Variants in GABRB1 observed in about 807,000 individuals in gnomAD.
The protein encoded by GABRB1 is gamma-aminobutyric acid receptor subunit beta-1.
GABRB1 carries 17 observed loss-of-function variants against 51.6 expected under a neutral mutation model. That is an observed-to-expected ratio of 0.33 (90% CI 0.23 to 0.49). The LOEUF is 0.49. Ranked by LOEUF, GABRB1 falls within the 20% of genes least tolerant of loss-of-function variation. GABRB1 has a pLI of 0.99. For synonymous variants in GABRB1, 247 were observed against 218.9 expected, an observed-to-expected ratio of 1.13 and a Z score of -1.14; for missense variants, 410 against 600.6, an observed-to-expected ratio of 0.68 and a Z score of 3.32.
chr4:47,157,836 G>C (rs909984094), intron 3 of GABRB1, among the ~76,000 whole-genome samples: 3 of 152,000 alleles, frequency 2.0e-5, no homozygotes, highest in African/African-American at 7.2e-5. Flanking sequence ...TCAGGTCCTA[G>C]ATTAGGCTAC....
chr4:47,196,846 C>T (rs1021624389), intron 4 of GABRB1, among the ~76,000 whole-genome samples: 2 of 152,170 alleles, frequency 1.3e-5, no homozygotes, highest in African/African-American at 4.8e-5. Flanking sequence ...CTCATGAACA[C>T]ATTTTACATT....
chr4:47,234,153 T>C (rs1270860915), intron 4 of GABRB1, among the ~76,000 whole-genome samples: 1 of 152,138 alleles, frequency 6.6e-6, no homozygotes, highest in Non-Finnish European at 1.5e-5. Context: ...AAGCATAAGG[T>C]AATGTTTCCT....
At chr4:47,191,934 G>A (rs1719455285) in intron 4 of GABRB1, among the ~76,000 whole-genome samples, 2 of 152,014 alleles carry the variant, frequency 1.3e-5, no homozygotes, top group African/African-American at 4.8e-5. Context: ...CAGACACATA[G>A]AATACTGATT....
At chr4:47,316,979 AT>A (rs1218475435) in intron 4 of GABRB1, among the ~76,000 whole-genome samples, 1 of 151,962 alleles carries the variant, frequency 6.6e-6, no homozygotes, top group Non-Finnish European at 1.5e-5. Context: ...TTACAAGGTG[AT>A]TTTATATTAA....
At chr4:47,076,349 T>C (rs1022373252) in intron 3 of GABRB1, among the ~76,000 whole-genome samples, 1 of 152,164 alleles carries the variant, frequency 6.6e-6, no homozygotes, top group Non-Finnish European at 1.5e-5. Context: ...CAGATGTCCT[T>C]TGGATATACA....
chr4:47,001,983 TTAGGA>T (rs1724245130), intron 1 of GABRB1, among the ~76,000 whole-genome samples: 1 of 152,244 alleles, frequency 6.6e-6, no homozygotes, highest in Non-Finnish European at 1.5e-5. Context: ...TTTATTAGTC[TTAGGA>T]TAGGCAGTTT....
rs115543699 is a variant in GABRB1 at position 47,368,102 on chromosome 4, T to G, written c.545-35216T>G. Among the ~76,000 whole-genome samples the G allele has an allele frequency of 9.1e-3, 1,387 of 152,288 alleles. 19 individuals are homozygous for G. Among genetic ancestry groups the G allele is most frequent in the African/African-American group, 0.032 (1,332 of 41,550 alleles). Reference sequence around the variant, plus strand: ...GGAACTCCAAGCCCAATATTATATCTCTACTACCATCCAGAGACATGAAGC... The same window carrying G: ...GGAACTCCAAGCCCAATATTATATCGCTACTACCATCCAGAGACATGAAGC... On this transcript the variant is annotated intron_variant, in intron 5 of 8. Coordinates refer to ENST00000295454, the MANE Select transcript of GABRB1 (RefSeq NM_000812.4).
At chr4:47,393,034 A>C (rs1021640889) in intron 5 of GABRB1, among the ~76,000 whole-genome samples, 1 of 152,202 alleles carries the variant, frequency 6.6e-6, no homozygotes, top group Non-Finnish European at 1.5e-5. Flanking sequence ...GAGTCAAGTC[A>C]TGTCAGAGGT....
rs146479194 is a variant in GABRB1, at chr4:47,410,604, C to T, written c.1080+3678C>T. Among the ~76,000 whole-genome samples, 16 of 152,266 alleles carry T rather than the reference C, an allele frequency of 1.1e-4. No individual in the cohort carries two copies. In the East Asian group the frequency reaches 1.9e-3, roughly 18 times the overall value. On this transcript the variant is annotated intron_variant, in intron 8 of 8. Transcript: ENST00000295454. ...TTAGAAGTGAGCCACAACAGAAACT[C>T]GACACCTGAGTGTAAACTTCCCCAG...
At chr4:47,056,648 G>A (rs1200910685) in intron 3 of GABRB1, among the ~76,000 whole-genome samples, 2 of 152,222 alleles carry the variant, frequency 1.3e-5, no homozygotes, top group African/African-American at 2.4e-5. Context: ...TGCTGGGAAC[G>A]TTGCTGGTCA....
At chr4:47,109,824 A>G (rs1188969110) in intron 3 of GABRB1, among the ~76,000 whole-genome samples, 3 of 152,100 alleles carry the variant, frequency 2.0e-5, no homozygotes, top group African/African-American at 7.2e-5. Context: ...TGAGAAGTCT[A>G]TTTCTTTCAA....
chr4:46,997,458 ATAACTATAACTTCG>A (rs1724034623), intron 1 of GABRB1, among the ~76,000 whole-genome samples: 1 of 150,782 alleles, frequency 6.6e-6, no homozygotes, highest in African/African-American at 2.4e-5. Context: ...TTTCTTATAC[ATAACTATAACTTCG>A]TACGCTTCAA....
chr4:47,182,025 A>G (rs1455568982), intron 4 of GABRB1, among the ~76,000 whole-genome samples: 5 of 152,164 alleles, frequency 3.3e-5, no homozygotes, highest in Admixed American at 6.6e-5. Context: ...CCCCAGCCAG[A>G]GCAGCAACTT....
chr4:47,046,870 C>T (rs1257706475), intron 3 of GABRB1, among the ~76,000 whole-genome samples: 2 of 152,034 alleles, frequency 1.3e-5, no homozygotes, highest in Non-Finnish European at 2.9e-5. Context: ...AGGCCATTAT[C>T]CTTAACAAAC....
chr4:47,257,963 G>A (rs995102099), intron 4 of GABRB1, among the ~76,000 whole-genome samples: 2 of 151,972 alleles, frequency 1.3e-5, no homozygotes, highest in Admixed American at 6.6e-5. Context: ...ACCAAATGGA[G>A]CAAAGTTTCT....
At chr4:47,245,261 A>G (rs1721697308) in intron 4 of GABRB1, among the ~76,000 whole-genome samples, 1 of 152,196 alleles carries the variant, frequency 6.6e-6, no homozygotes. Context: ...GCTAAAATGT[A>G]AAACACACTA....
chr4:47,018,753 G>A (rs1724823347), intron 1 of GABRB1, among the ~76,000 whole-genome samples: 1 of 152,262 alleles, frequency 6.6e-6, no homozygotes, highest in Non-Finnish European at 1.5e-5. Context: ...TTCACTAAGT[G>A]GAAGTGGATC....
intron 4 of GABRB1, among the ~76,000 whole-genome samples, chr4:47,181,955 C>T (rs1718967404): frequency 6.6e-6 from 1 of 151,948 alleles, no homozygotes; most frequent in Non-Finnish European, 1.5e-5. Flanking sequence ...TTAAGGGATC[C>T]AACTGTGTTT....
chr4:47,294,349 T>C (rs1051614805), intron 4 of GABRB1, among the ~76,000 whole-genome samples: 1 of 152,200 alleles, frequency 6.6e-6, no homozygotes, highest in Non-Finnish European at 1.5e-5. Flanking sequence ...TTCCCTTTCC[T>C]AGTCAAAGAA....
Sources: gnomAD v4.1 joint callset for allele counts (sites outside exome capture counted in the v4.1 genomes callset) on GRCh38, gnomAD v4.1.1 for gene constraint, MANE v1.5 for transcripts, NCBI Gene and HGNC (gene_info 2026-07-23, HGNC 2026-07-21) for gene names.